UTP20: variants seen among roughly 807,000 people sequenced by gnomAD.
UTP20 encodes the protein UTP20 small subunit processome component, also known as small subunit processome component 20 homolog.
Under a neutral mutation model 329.5 loss-of-function variants are expected in UTP20, and 164 were observed. The observed-to-expected ratio is 0.50, with a 90% CI of 0.44 to 0.57. UTP20 has a LOEUF of 0.57. Ranked by LOEUF, UTP20 falls within the 20% of genes least tolerant of loss-of-function variation. The probability of loss-of-function intolerance (pLI) is 0.00; values close to 1 mark genes in which losing one functional copy is unlikely to be tolerated. For synonymous variants in UTP20, 1,151 were observed against 1,159.3 expected (o/e 0.99, Z 0.14); for missense variants, 3,055 against 3,284.2 (o/e 0.93, Z 1.71).
intron 47 of UTP20, among the ~76,000 whole-genome samples, chr12:101,367,598 G>A (rs535018793): frequency 1.3e-5 from 2 of 152,242 alleles, no homozygotes; most frequent in South Asian, 2.1e-4. Flanking sequence ...CATATCCTGC[G>A]TACTGAGCCA....
intron 48 of UTP20, among the ~76,000 whole-genome samples, chr12:101,368,888 G>C (rs1027717710): frequency 6.6e-6 from 1 of 150,740 alleles, no homozygotes; most frequent in Non-Finnish European, 1.5e-5. Flanking sequence ...TCCCAAGCTC[G>C]CTCTTCTGTG....
intron 5 of UTP20, among the ~76,000 whole-genome samples, chr12:101,286,893 G>T (rs893766154): frequency 2.0e-5 from 3 of 152,026 alleles, no homozygotes; most frequent in African/African-American, 7.2e-5. Flanking sequence ...CTGGTATAAG[G>T]GAGGTTTAAG....
intron 37 of UTP20, among the ~76,000 whole-genome samples, chr12:101,345,983 C>T (rs1412271330): frequency 3.3e-5 from 5 of 152,114 alleles, no homozygotes; most frequent in South Asian, 2.1e-4. Context: ...TGGATTATAT[C>T]TCTGAAAGCA....
chr12:101,371,196 C>T (rs1363755521), intron 51 of UTP20, 28 bp downstream of exon 51: 4 of 1,540,224 alleles, frequency 2.6e-6, no homozygotes, highest in Non-Finnish European at 3.5e-6. Context: ...ATCCCCATAG[C>T]AAGGGCTGGG....
At chr12:101,359,278 C>T (rs1869830727) in intron 43 of UTP20, among the ~76,000 whole-genome samples, 2 of 152,092 alleles carry the variant, frequency 1.3e-5, no homozygotes, top group East Asian at 3.9e-4. Context: ...GTTATCCAGG[C>T]TGGTCTCAAA....
Position 101,373,428 on chromosome 12 carries a change from C to T in UTP20, c.6906C>T (p.Ser2302=), listed in dbSNP as rs1870360011. 1.2e-6 allele frequency: 2 copies of T among 1,613,928 alleles called. No homozygotes were observed. The highest frequency in any genetic ancestry group is 1.1e-5 in the South Asian group (1 of 91,086). The change falls in exon 53 of 62, where the codon TCC becomes TCT. Residue 2302 remains serine, a synonymous_variant. Transcript: ENST00000261637. ...ACGAACATGAGACCGGGAGAGAGTC[C>T]ACCTTGGAAATGATCGCCTATCTCT... ...LNYEHETGRE[S]TLEMIAYLFD...
chr12:101,334,929 TGCCACTGCATTCTA>T (rs1251214306), intron 29 of UTP20, among the ~76,000 whole-genome samples: 1 of 150,752 alleles, frequency 6.6e-6, no homozygotes, highest in Non-Finnish European at 1.5e-5. Flanking sequence ...GCCATGATCA[TGCCACTGCATTCTA>T]GCCTGGGTGA....
At chr12:101,361,861 A>G (rs1175256239) in intron 43 of UTP20, 101 bp from the exon 44 acceptor site, 4 of 876,742 alleles carry the variant, frequency 4.6e-6, no homozygotes, top group African/African-American at 3.4e-5. Context: ...AATAAAAGAC[A>G]TATAAACTCT....
In UTP20 at chr12:101,360,721, C is replaced by T. The variant is rs139503533; in HGVS notation, c.5692-1241C>T. ...GCACATGCCTGTAATCCCAGCTACT[C>T]GGGAGGCTGAGGCATAAGAATTTCT... On this transcript the variant is annotated intron_variant, in intron 43 of 61. Coordinates refer to ENST00000261637, the MANE Select transcript of UTP20 (RefSeq NM_014503.3). Among the ~76,000 whole-genome samples the T allele has an allele frequency of 5.1e-3, 781 of 152,114 alleles. 3 individuals carry two copies. Among genetic ancestry groups the T allele is most frequent in the Middle Eastern group, 0.014 (4 of 294 alleles).
intron 19 of UTP20, 97 bp from the exon 20 acceptor site, chr12:101,311,621 AT>A: frequency 9.0e-7 from 1 of 1,108,736 alleles, no homozygotes; most frequent in Non-Finnish European, 1.3e-6. Context: ...CCTAATTGAC[AT>A]TTTAGTTATA....
chr12:101,344,836 TA>T lies in UTP20; in HGVS notation c.4605+87del. On this transcript the variant is annotated intron_variant, in intron 36 of 61. Coordinates refer to ENST00000261637, the MANE Select transcript of UTP20 (RefSeq NM_014503.3). ...CGTTTGCTACTGTTGTATAGAAAAGTAGTCAGGCTTAGTGCATTTAATGAGA... is the reference window on the plus strand; with the variant it reads ...CGTTTGCTACTGTTGTATAGAAAAGTGTCAGGCTTAGTGCATTTAATGAGA... 3.5e-6 allele frequency: 4 copies of T among 1,141,170 alleles called. No homozygotes were observed. The Admixed American group carries it at 8.3e-5, about 24-fold the overall frequency. The allele number at this position is 1,141,170 out of a possible 1,614,324, so 70.7% of individuals were successfully genotyped here. A position where few individuals can be genotyped will look rare whatever the true frequency, so the allele number is the denominator to read the frequency against.
In UTP20 at chr12:101,366,563, C is replaced by T. The variant is rs1328562245; in HGVS notation, c.6131C>T (p.Pro2044Leu). The change falls in exon 47 of 62, where the codon CCA becomes CTA. Residue 2044 changes from proline (P) to leucine (L), a missense_variant. Pro to Leu is a moderately conservative substitution (Grantham distance 98). Transcript: ENST00000261637. ...LPLLTEKEKN[P>L]VAPAPDPRLP... is the part of the protein sequence containing the mutation. The stretch of plus-strand genomic sequence containing the variant: ...TCATGCCACGTGATTGACAGAAATC[C>T]AGTAGCCCCAGCACCAGATCCACGT... The T allele has an allele frequency of 1.2e-6, 2 of 1,610,882 alleles. No homozygotes were observed. Among genetic ancestry groups the T allele is most frequent in the South Asian group, 1.1e-5 (1 of 90,580 alleles).
At position 101,356,919 on chromosome 12, in the gene UTP20, T is replaced by C. The variant is rs1012202032; in HGVS notation, c.5535-7T>C. On this transcript the variant is annotated splice_polypyrimidine_tract_variant and splice_region_variant and intron_variant, in intron 42 of 61. Coordinates refer to ENST00000261637, the MANE Select transcript of UTP20 (RefSeq NM_014503.3). ...GATTAGTCATTTTTCAACTTCTCATTTTCTAGTATTTTGCTGAAAGTGTGT... is the reference window on the plus strand; with the variant it reads ...GATTAGTCATTTTTCAACTTCTCATCTTCTAGTATTTTGCTGAAAGTGTGT... 6.2e-7 allele frequency: 1 copy of C among 1,600,494 alleles called. No individual in the cohort carries two copies. The highest frequency in any genetic ancestry group is 1.3e-5 in the African/African-American group (1 of 74,164).
chr12:101,375,494 C>T, intron 55 of UTP20, 130 bp from the exon 56 acceptor site: 1 of 850,626 alleles, frequency 1.2e-6, no homozygotes, highest in Non-Finnish European at 1.8e-6. Flanking sequence ...AGGAAAGGAT[C>T]ATCTGGCCCA....
Position 101,367,982 on chromosome 12 carries a change from C to G in UTP20, c.6384+6C>G. On this transcript the variant is annotated splice_donor_region_variant and intron_variant, in intron 48 of 61. Coordinates refer to ENST00000261637, the MANE Select transcript of UTP20 (RefSeq NM_014503.3). ...TGGGCTCCATGGATGTGAAGGTAAGCATCGGTTTGCACTCTGCATTGGAGC... is the reference window on the plus strand; with the variant it reads ...TGGGCTCCATGGATGTGAAGGTAAGGATCGGTTTGCACTCTGCATTGGAGC... 1 of 1,574,060 alleles carries G rather than the reference C, an allele frequency of 6.4e-7. No individual in the cohort carries two copies. Among genetic ancestry groups the G allele is most frequent in the Non-Finnish European group, 8.7e-7 (1 of 1,143,730 alleles).
In UTP20 at chr12:101,366,547, G is replaced by A. The variant is rs1402346829; in HGVS notation, c.6126-11G>A. On this transcript the variant is annotated splice_polypyrimidine_tract_variant and intron_variant, in intron 46 of 61. Coordinates refer to ENST00000261637, the MANE Select transcript of UTP20 (RefSeq NM_014503.3). The stretch of plus-strand genomic sequence containing the variant: ...GTTCTTTACCCTCTTCTCATGCCAC[G>A]TGATTGACAGAAATCCAGTAGCCCC... 1.2e-6 allele frequency: 2 copies of A among 1,608,082 alleles called. No individual in the cohort carries two copies. Among genetic ancestry groups the A allele is most frequent in the Admixed American group, 1.7e-5 (1 of 58,528 alleles).
intron 25 of UTP20, among the ~76,000 whole-genome samples, chr12:101,324,774 G>A (rs984381778): frequency 7.9e-5 from 12 of 152,018 alleles, no homozygotes; most frequent in Admixed American, 3.3e-4. Flanking sequence ...TTTTCCCAAA[G>A]TAATTTCCCC....
chr12:101,317,470 C>T lies in UTP20; in HGVS notation c.2553-8C>T. On this transcript the variant is annotated splice_polypyrimidine_tract_variant and splice_region_variant and intron_variant, in intron 21 of 61. Coordinates refer to ENST00000261637, the MANE Select transcript of UTP20 (RefSeq NM_014503.3). The stretch of plus-strand genomic sequence containing the variant: ...CATCAGTATCCTGTGACTTTCTTTC[C>T]ACGGTAGCAATGAGTATTACCCAGC... 6.2e-7 allele frequency: 1 copy of T among 1,612,678 alleles called. No individual in the cohort carries two copies. Among genetic ancestry groups the T allele is most frequent in the African/African-American group, 1.3e-5 (1 of 74,966 alleles).
intron 56 of UTP20, 72 bp from the exon 57 acceptor site, chr12:101,379,298 GC>G (rs2121055920): frequency 7.4e-7 from 1 of 1,359,126 alleles, no homozygotes; most frequent in Non-Finnish European, 1.0e-6. Context: ...CTCTGTAAAT[GC>G]TTAACTTAGT....
Sources: allele counts gnomAD v4.1 joint callset (sites outside exome capture counted in the v4.1 genomes callset), GRCh38; gene constraint gnomAD v4.1.1; transcripts MANE v1.5; gene names NCBI Gene and HGNC (gene_info 2026-07-23, HGNC 2026-07-21).